Variants in NEMF observed in about 807,000 individuals in gnomAD.
NEMF encodes the protein nuclear export mediator factor.
A neutral mutation model predicts 162.2 loss-of-function variants in NEMF; 89 were observed. The ratio of observed to expected loss-of-function variants is 0.55; its 90% CI spans 0.46 to 0.65. The LOEUF is 0.65. Ranked by LOEUF, NEMF falls within the 30% of genes least tolerant of loss-of-function variation. The pLI, the probability that NEMF is intolerant of heterozygous loss-of-function variation, is 0.00. For synonymous variants in NEMF, 421 were observed against 404.5 expected, an observed-to-expected ratio of 1.04 and a Z score of -0.49; for missense variants, 1,133 against 1,261.9, an observed-to-expected ratio of 0.90 and a Z score of 1.55.
intron 22 of NEMF, chr14:49,801,492 GA>G (rs5808515): frequency 0.83 from 122,348 of 148,052 alleles, 50,850 homozygotes; most frequent in East Asian, 0.97. Flanking sequence ...CTCTCGGGGG[GA>G]AAAAAAAAAA....
intron 16 of NEMF, among the ~76,000 whole-genome samples, chr14:49,825,208 T>C (rs1351814297): frequency 6.6e-6 from 1 of 152,220 alleles, no homozygotes; most frequent in Middle Eastern, 3.2e-3. Context: ...ATGATGCCAA[T>C]GCTATTAATC....
At chr14:49,827,007 A>G (rs1341401126) in intron 15 of NEMF, among the ~76,000 whole-genome samples, 3 of 152,144 alleles carry the variant, frequency 2.0e-5, no homozygotes, top group Non-Finnish European at 4.4e-5. Flanking sequence ...ACGTGTCATT[A>G]TTTTATGAAC....
intron 5 of NEMF, chr14:49,839,713 A>T (rs1893096984): frequency 6.6e-6 from 1 of 152,212 alleles, no homozygotes; most frequent in Non-Finnish European, 1.5e-5. Context: ...AAACTTAGCT[A>T]AAAAACACAT....
intron 6 of NEMF, among the ~76,000 whole-genome samples, chr14:49,837,916 A>G (rs1055273716): frequency 3.9e-5 from 6 of 152,174 alleles, no homozygotes; most frequent in African/African-American, 1.4e-4. Context: ...TACCATTAGC[A>G]CTGAAGTACT....
intron 23 of NEMF, among the ~76,000 whole-genome samples, chr14:49,799,966 T>C (rs1890881216): frequency 6.6e-6 from 1 of 152,202 alleles, no homozygotes; most frequent in Non-Finnish European, 1.5e-5. Context: ...CATTCTGTTT[T>C]CACCAAGAAG....
rs1172676731 is a variant in NEMF, at chr14:49,783,966, A to ATATT, written c.*666_*669dup. The ATATT allele has an allele frequency of 6.6e-6, 1 of 152,158 alleles. No individual in the cohort carries two copies. The highest frequency in any genetic ancestry group is 1.5e-5 in the Non-Finnish European group (1 of 68,012). 9.4% of individuals were successfully genotyped at this position (152,158 alleles called of 1,614,324 possible). A position where few individuals can be genotyped will look rare whatever the true frequency, so the allele number is the denominator to read the frequency against. On this transcript the variant is annotated 3_prime_UTR_variant, in exon 33 of 33. Transcript: ENST00000298310. ...CTTGTAGCTGGCCTATAATATATAT[A>ATATT]TATTAGATGTTATATACAGTAGACT... is the stretch of plus-strand genomic sequence containing the variant.
At chr14:49,827,607 G>C (rs1428110765) in intron 15 of NEMF, among the ~76,000 whole-genome samples, 4 of 150,010 alleles carry the variant, frequency 2.7e-5, no homozygotes, top group African/African-American at 9.8e-5. Flanking sequence ...GAGGTCAGCA[G>C]TTTGAGACCA....
At chr14:49,821,593 GT>G (rs1804860147) in intron 16 of NEMF, among the ~76,000 whole-genome samples, 1 of 101,274 alleles carries the variant, frequency 9.9e-6, no homozygotes, top group Non-Finnish European at 2.1e-5. Context: ...AGGTGGGGGG[GT>G]CAGCCCCCCG....
intron 16 of NEMF, chr14:49,820,306 G>C (rs1253281009): frequency 7.4e-6 from 3 of 404,128 alleles, no homozygotes; most frequent in Non-Finnish European, 1.5e-5. Flanking sequence ...TGACACATTT[G>C]ATCCTTTTTA....
intron 8 of NEMF, among the ~76,000 whole-genome samples, chr14:49,832,561 G>A (rs1892698775): frequency 6.6e-6 from 1 of 152,026 alleles, no homozygotes; most frequent in South Asian, 2.1e-4. Flanking sequence ...TCGAACTCTT[G>A]GTCTCAAGTG....
In NEMF at chr14:49,852,755, G is replaced by A. The variant is rs1594820817; in HGVS notation, c.-2C>T. ...AATGGTGCTAAAGCGGCTCTTCATG[G>A]CGAGGCCCGAGGGTCACTACCGCAA... On this transcript the variant is annotated 5_prime_UTR_variant, in exon 1 of 33. Transcript: ENST00000298310. 6.2e-7 allele frequency: 1 copy of A among 1,614,194 alleles called. No homozygotes were observed.
chr14:49,844,173 G>A (rs1487616509), intron 4 of NEMF, among the ~76,000 whole-genome samples: 1 of 151,944 alleles, frequency 6.6e-6, no homozygotes, highest in African/African-American at 2.4e-5. Context: ...CAGTTTCATG[G>A]AAGACAATTT....
At chr14:49,805,894 A>G (rs1333511212) in intron 19 of NEMF, 127 bp downstream of exon 19, 6 of 512,990 alleles carry the variant, frequency 1.2e-5, no homozygotes, top group Middle Eastern at 7.4e-4. Context: ...CATTATGTAC[A>G]TATTTTCCTC....
intron 16 of NEMF, among the ~76,000 whole-genome samples, chr14:49,823,956 G>A (rs1282500014): frequency 1.3e-5 from 2 of 151,250 alleles, no homozygotes; most frequent in Non-Finnish European, 2.9e-5. Context: ...ATCACTTGAG[G>A]CCAAGAGTTA....
In NEMF at chr14:49,834,334, T is replaced by C. The variant is rs368651705; in HGVS notation, c.661+29A>G. 20 of 1,452,858 alleles carry C rather than the reference T, an allele frequency of 1.4e-5. No individual in the cohort carries two copies. In the African/African-American group the frequency reaches 2.8e-4, roughly 21 times the overall value. 90.0% of individuals were successfully genotyped at this position (1,452,858 alleles called of 1,614,324 possible). ...TTTTCATAGTTTAAAAAAAATGAAA[T>C]AAATGAAAAATGTACCATGCAGACA... On this transcript the variant is annotated intron_variant, in intron 7 of 32. Transcript: ENST00000298310.
intron 17 of NEMF, among the ~76,000 whole-genome samples, chr14:49,814,454 AG>A (rs1891629447): frequency 6.6e-6 from 1 of 152,202 alleles, no homozygotes; most frequent in African/African-American, 2.4e-5. Flanking sequence ...ACACCACTAC[AG>A]TAAGCTTTTA....
At position 49,800,651 on chromosome 14, in the gene NEMF, G is replaced by A. The variant is rs759677526; in HGVS notation, c.2141C>T (p.Thr714Ile). The A allele has an allele frequency of 6.2e-7, 1 of 1,613,860 alleles. No homozygotes were observed. The highest frequency in any genetic ancestry group is 8.5e-7 in the Non-Finnish European group (1 of 1,179,866). ...SSDEDKEEHE[T>I]PVEVELMTQV... Reference sequence around the variant, plus strand: ...AGTCATGAGTTCTACTTCCACAGGAGTTTCATGTTCTTCTTTATCCTCATC... The same window carrying A: ...AGTCATGAGTTCTACTTCCACAGGAATTTCATGTTCTTCTTTATCCTCATC... Residue 714 changes from threonine (T) to isoleucine (I), a missense_variant, in exon 23 of 33, where the codon ACT (threonine) becomes ATT (isoleucine). Coordinates refer to ENST00000298310, the MANE Select transcript of NEMF (RefSeq NM_004713.6).
intron 26 of NEMF, among the ~76,000 whole-genome samples, chr14:49,793,201 CA>C (rs930116860): frequency 6.8e-6 from 1 of 147,668 alleles, no homozygotes; most frequent in African/African-American, 2.5e-5. Flanking sequence ...TCAGTCACTG[CA>C]AAAAAAAACA....
At chr14:49,788,230 G>A (rs1890267757) in intron 28 of NEMF, among the ~76,000 whole-genome samples, 1 of 142,866 alleles carries the variant, frequency 7.0e-6, no homozygotes, top group South Asian at 2.3e-4. Context: ...AGTGAGCTGA[G>A]ATTGTGCCAC....
Sources: allele counts gnomAD v4.1 joint callset (sites outside exome capture counted in the v4.1 genomes callset), GRCh38; gene constraint gnomAD v4.1.1; transcripts MANE v1.5; gene names NCBI Gene and HGNC (gene_info 2026-07-23, HGNC 2026-07-21).